Variants in INVS observed in about 807,000 individuals in gnomAD.
INVS encodes the protein inversin.
A neutral mutation model predicts 108.8 loss-of-function variants in INVS; 86 were observed. The observed-to-expected ratio is 0.79, with a 90% CI of 0.66 to 0.95. INVS has a LOEUF of 0.95. Ranked by LOEUF, INVS falls within the 40% of genes least tolerant of loss-of-function variation. INVS has a pLI of 0.00. For synonymous variants in INVS, 455 were observed against 473.5 expected, an observed-to-expected ratio of 0.96 and a Z score of 0.51; for missense variants, 1,169 against 1,297.4, an observed-to-expected ratio of 0.90 and a Z score of 1.52.
chr9:100,171,197 G>A (rs377572108), intron 3 of INVS, among the ~76,000 whole-genome samples: 13 of 152,206 alleles, frequency 8.5e-5, no homozygotes, highest in East Asian at 3.9e-4. Flanking sequence ...CCCATGAGCC[G>A]TCACACCCAG....
intron 3 of INVS, among the ~76,000 whole-genome samples, chr9:100,145,680 C>T (rs965021187): frequency 6.6e-6 from 1 of 152,024 alleles, no homozygotes; most frequent in East Asian, 1.9e-4. Context: ...GGTGAAGGAC[C>T]AAGGCAGGCG....
chr9:100,264,857 A>G lies in INVS; in HGVS notation c.1500A>G (p.Gly500=). 6.2e-7 allele frequency: 1 copy of G among 1,613,830 alleles called. No homozygotes were observed. The highest frequency in any genetic ancestry group is 8.5e-7 in the Non-Finnish European group (1 of 1,179,790). ...CTTTGCATTGGTCCTGCAACAATGGATACCTTGATGCCATTAAATTACTGC... is the reference window on the plus strand; with the variant it reads ...CTTTGCATTGGTCCTGCAACAATGGGTACCTTGATGCCATTAAATTACTGC... ...RTALHWSCNN[G]YLDAIKLLLD... The change falls in exon 11 of 17, where the codon GGA becomes GGG. Residue 500 remains glycine (G), a synonymous_variant. Transcript: ENST00000262457.
intron 3 of INVS, among the ~76,000 whole-genome samples, chr9:100,222,782 T>A (rs1030523667): frequency 7.2e-5 from 11 of 152,154 alleles, no homozygotes; most frequent in African/African-American, 2.4e-4. Context: ...TATTTTTCGG[T>A]ATGAAGTGTC....
Position 100,246,635 on chromosome 9 carries a change from TA to T in INVS, c.930del (p.Lys310AsnfsTer5). On this transcript the variant is annotated frameshift_variant, in exon 8 of 17. Coordinates refer to ENST00000262457, the MANE Select transcript of INVS (RefSeq NM_014425.5). LOFTEE classifies it high-confidence loss of function. The stretch of plus-strand genomic sequence containing the variant: ...TTACAGGAAACGGTTAAAGTGTTTT[TA>T]AAACATCCTTCAGTGAAAGATGATT... Reference protein sequence around the residue: ...SNFAETVKVFLKHPSVKDDSD... With the variant: ...SNFAETVKVFXKHPSVKDDSD... 1 of 1,613,886 alleles carries T rather than the reference TA, an allele frequency of 6.2e-7. No individual in the cohort carries two copies. The highest frequency in any genetic ancestry group is 1.1e-5 in the South Asian group (1 of 91,064).
intron 1 of INVS, among the ~76,000 whole-genome samples, chr9:100,103,149 G>A (rs138144874): frequency 1.4e-4 from 21 of 151,376 alleles, no homozygotes; most frequent in Non-Finnish European, 2.4e-4. Flanking sequence ...CATCACACCC[G>A]GCCTTAACTA....
intron 3 of INVS, among the ~76,000 whole-genome samples, chr9:100,195,894 A>G (rs1455230126): frequency 6.6e-6 from 1 of 152,210 alleles, no homozygotes; most frequent in African/African-American, 2.4e-5. Context: ...GGATTTTTGC[A>G]ACAGTGTTAA....
chr9:100,211,383 A>G (rs997883097), intron 3 of INVS, among the ~76,000 whole-genome samples: 1 of 152,244 alleles, frequency 6.6e-6, no homozygotes, highest in African/African-American at 2.4e-5. Context: ...CAATGAAGGC[A>G]TTAATTTTCA....
chr9:100,167,966 C>T (rs1829418934), intron 3 of INVS, among the ~76,000 whole-genome samples: 1 of 152,026 alleles, frequency 6.6e-6, no homozygotes, highest in South Asian at 2.1e-4. Context: ...ACAATCCTTC[C>T]TCCCCACCCC....
chr9:100,218,108 G>A (rs1831044343), intron 3 of INVS, among the ~76,000 whole-genome samples: 1 of 152,014 alleles, frequency 6.6e-6, no homozygotes, highest in South Asian at 2.1e-4. Flanking sequence ...AACTATGACA[G>A]AGTACCTACT....
At chr9:100,113,558 T>TTTG (rs1827414193) in intron 2 of INVS, among the ~76,000 whole-genome samples, 1 of 151,912 alleles carries the variant, frequency 6.6e-6, no homozygotes, top group Non-Finnish European at 1.5e-5. Context: ...CTGGTGTCTT[T>TTTG]TTTGTTTGTT....
intron 12 of INVS, among the ~76,000 whole-genome samples, chr9:100,282,858 G>A (rs1833321990): frequency 1.3e-5 from 2 of 152,140 alleles, no homozygotes; most frequent in Admixed American, 6.5e-5. Flanking sequence ...TCTTAAGCCT[G>A]GCTACTCAAG....
chr9:100,164,501 A>G (rs1283097810), intron 3 of INVS, among the ~76,000 whole-genome samples: 1 of 152,174 alleles, frequency 6.6e-6, no homozygotes, highest in Non-Finnish European at 1.5e-5. Context: ...TCCATGTATC[A>G]TCACTCAGCT....
At chr9:100,282,793 A>G (rs1833320352) in intron 12 of INVS, among the ~76,000 whole-genome samples, 1 of 150,554 alleles carries the variant, frequency 6.6e-6, no homozygotes, top group Non-Finnish European at 1.5e-5. Context: ...TTCATATTGT[A>G]TGTTTCATTC....
At chr9:100,198,828 T>A (rs1830460615) in intron 3 of INVS, among the ~76,000 whole-genome samples, 1 of 152,012 alleles carries the variant, frequency 6.6e-6, no homozygotes, top group Non-Finnish European at 1.5e-5. Context: ...CCTGAACTCA[T>A]GATCCGCCTG....
chr9:100,288,828 G>T (rs1833527748), intron 13 of INVS, among the ~76,000 whole-genome samples: 1 of 152,020 alleles, frequency 6.6e-6, no homozygotes, highest in Non-Finnish European at 1.5e-5. Flanking sequence ...ATTTCATCAT[G>T]TTGCCCAGGC....
intron 10 of INVS, among the ~76,000 whole-genome samples, chr9:100,261,339 C>T (rs1832616471): frequency 6.7e-6 from 1 of 150,066 alleles, no homozygotes; most frequent in African/African-American, 2.5e-5. Flanking sequence ...AGTCTCAGCT[C>T]ACTGCAAGCT....
intron 14 of INVS, among the ~76,000 whole-genome samples, chr9:100,293,771 C>T (rs772519669): frequency 6.6e-6 from 1 of 152,166 alleles, no homozygotes; most frequent in Non-Finnish European, 1.5e-5. Context: ...ATGTTCACGT[C>T]TCATAATCTC....
intron 3 of INVS, among the ~76,000 whole-genome samples, chr9:100,135,476 A>G (rs375168937): frequency 6.6e-6 from 1 of 152,220 alleles, no homozygotes; most frequent in East Asian, 1.9e-4. Flanking sequence ...ACAAGCTCCC[A>G]GGTGATGGTG....
intron 10 of INVS, among the ~76,000 whole-genome samples, chr9:100,262,167 G>T (rs1171798041): frequency 6.6e-6 from 1 of 151,562 alleles, no homozygotes; most frequent in Admixed American, 6.6e-5. Flanking sequence ...TTATGAGAGA[G>T]ATTGGCCTAT....
Sources: allele counts gnomAD v4.1 joint callset (sites outside exome capture counted in the v4.1 genomes callset), GRCh38; gene constraint gnomAD v4.1.1; transcripts MANE v1.5; gene names NCBI Gene and HGNC (gene_info 2026-07-23, HGNC 2026-07-21).